Variants in PCDH15 observed in about 807,000 individuals in gnomAD.
PCDH15 encodes the protein protocadherin related 15, also known as protocadherin-15.
In PCDH15, 129 loss-of-function variants were observed where a neutral mutation model predicts 178.5. The ratio of observed to expected loss-of-function variants is 0.72; its 90% confidence interval spans 0.63 to 0.84. The LOEUF (loss-of-function observed/expected upper bound fraction) is 0.84, where lower values mean the gene tolerates loss of function less well. Ranked by LOEUF, PCDH15 falls within the 40% of genes least tolerant of loss-of-function variation. The pLI is 0.00. For missense variants in PCDH15, 2,230 were observed against 2,099.9 expected (o/e 1.06, Z -1.21); for synonymous variants, 800 against 732.0 (o/e 1.09, Z -1.50).
chr10:53,842,587 G>A (rs1360234632), intron 28 of PCDH15, among the ~76,000 whole-genome samples: 2 of 152,136 alleles, frequency 1.3e-5, no homozygotes, highest in South Asian at 2.1e-4. Flanking sequence ...TGTACCACAT[G>A]GGGCTGAATG....
chr10:54,402,696 T>C (rs1273463250), intron 3 of PCDH15, among the ~76,000 whole-genome samples: 1 of 152,032 alleles, frequency 6.6e-6, no homozygotes, highest in East Asian at 1.9e-4. Flanking sequence ...TATTAATTAC[T>C]ATTATAATTA....
chr10:54,727,900 T>C (rs557465273), intron 1 of PCDH15, among the ~76,000 whole-genome samples: 1 of 151,460 alleles, frequency 6.6e-6, no homozygotes, highest in Non-Finnish European at 1.5e-5. Context: ...ATTGCAACCC[T>C]GAATACAGCA....
intron 7 of PCDH15, among the ~76,000 whole-genome samples, chr10:54,324,625 G>GCC (rs1564967464): frequency 6.6e-6 from 1 of 151,922 alleles, no homozygotes; most frequent in African/African-American, 2.4e-5. Context: ...AAATTAGCTG[G>GCC]GAGTGGTGGC....
chr10:55,449,903 A>G (rs1483024867), intron 2 of PCDH15, among the ~76,000 whole-genome samples: 3 of 137,040 alleles, frequency 2.2e-5, no homozygotes, highest in Non-Finnish European at 4.8e-5. Context: ...CACCCTCAAA[A>G]TACATTAATG....
At chr10:54,694,109 A>G (rs534783587) in intron 1 of PCDH15, among the ~76,000 whole-genome samples, 40 of 152,264 alleles carry the variant, frequency 2.6e-4, no homozygotes, top group African/African-American at 9.4e-4. Flanking sequence ...ATCATTTAGT[A>G]TATTAAAAAT....
chr10:54,266,638 A>T (rs905511355), intron 8 of PCDH15, among the ~76,000 whole-genome samples: 4 of 151,872 alleles, frequency 2.6e-5, no homozygotes. Context: ...AGTCCCATAG[A>T]GATTCAAAAG....
rs903521195 is a variant in PCDH15, at chr10:54,832,965, G to A, written c.-29+64485C>T. ...CTTTTTTGCAAGGAGAAACTACCAG[G>A]TTTGTACAGTTAATAAGTGGCAGTT... On this transcript the variant is annotated intron_variant, in intron 3 of 5. Coordinates refer to the PCDH15 transcript ENST00000458638. 1.1e-4 allele frequency among the ~76,000 whole-genome samples: 16 copies of A among 152,048 alleles called. 1 individual carries two copies. The highest frequency in any genetic ancestry group is 1.5e-5 in the Non-Finnish European group (1 of 68,000).
intron 25 of PCDH15, among the ~76,000 whole-genome samples, chr10:53,915,370 G>C (rs1021277084): frequency 6.6e-6 from 1 of 152,200 alleles, no homozygotes; most frequent in East Asian, 1.9e-4. Flanking sequence ...TGGCTAGGCA[G>C]AAAGATAGAT....
intron 2 of PCDH15, among the ~76,000 whole-genome samples, chr10:55,602,514 G>C (rs1389070873): frequency 1.3e-5 from 2 of 152,070 alleles, no homozygotes; most frequent in Non-Finnish European, 2.9e-5. Flanking sequence ...GAGAGCAGTG[G>C]TTCTCCCAGC....
At chr10:54,890,386 G>A (rs1377983883) in intron 3 of PCDH15, among the ~76,000 whole-genome samples, 1 of 151,916 alleles carries the variant, frequency 6.6e-6, no homozygotes, top group Non-Finnish European at 1.5e-5. Flanking sequence ...ATTTTGGCAA[G>A]CAAAAACAAA....
At chr10:54,351,193 A>G (rs1387758208) in intron 5 of PCDH15, among the ~76,000 whole-genome samples, 1 of 152,168 alleles carries the variant, frequency 6.6e-6, no homozygotes, top group East Asian at 1.9e-4. Flanking sequence ...AACTGTGAAC[A>G]AAGAGACCTA....
chr10:53,834,649 T>A (rs1333823623), intron 29 of PCDH15, among the ~76,000 whole-genome samples: 1 of 152,160 alleles, frequency 6.6e-6, no homozygotes, highest in Non-Finnish European at 1.5e-5. Flanking sequence ...ATTACTGCTA[T>A]GTTATCCTGA....
intron 5 of PCDH15, among the ~76,000 whole-genome samples, chr10:54,362,402 C>T (rs992497450): frequency 5.9e-5 from 9 of 151,930 alleles, no homozygotes; most frequent in Admixed American, 1.3e-4. Flanking sequence ...GTAAGCAGGA[C>T]ATAATTTTCT....
Position 53,827,627 on chromosome 10 carries a change from G to A in PCDH15, c.4212-79C>T, listed in dbSNP as rs950431043. The A allele has an allele frequency of 9.1e-6, 14 of 1,538,854 alleles. No homozygotes were observed. In the Admixed American group the frequency reaches 1.5e-4, roughly 17 times the overall value. The stretch of plus-strand genomic sequence containing the variant: ...ATCAATAAGCCACCTTTTAATAATG[G>A]GGTCCAGTTATCAGGGGAACCCACT... On this transcript the variant is annotated intron_variant, in intron 31 of 37. Coordinates refer to ENST00000644397, the MANE Select transcript of PCDH15 (RefSeq NM_001384140.1).
At chr10:54,162,402 G>T (rs1367174763) in intron 13 of PCDH15, among the ~76,000 whole-genome samples, 1 of 152,144 alleles carries the variant, frequency 6.6e-6, no homozygotes, top group Non-Finnish European at 1.5e-5. Context: ...TGGAAGAAAA[G>T]CAGAATGTAA....
At chr10:55,139,231 G>C (rs891177823) in intron 2 of PCDH15, among the ~76,000 whole-genome samples, 1 of 151,946 alleles carries the variant, frequency 6.6e-6, no homozygotes, top group Non-Finnish European at 1.5e-5. Context: ...GTGTGAGATA[G>C]GTGATTGATT....
At chr10:55,078,041 G>A (rs1665262833) in intron 2 of PCDH15, among the ~76,000 whole-genome samples, 1 of 152,094 alleles carries the variant, frequency 6.6e-6, no homozygotes. Flanking sequence ...TTTGCTTTCA[G>A]GGAAAGGCTT....
intron 3 of PCDH15, among the ~76,000 whole-genome samples, chr10:54,827,846 G>A (rs1953156495): frequency 6.6e-6 from 1 of 151,814 alleles, no homozygotes. Context: ...TTTGGAATGG[G>A]GATTTAAAAA....
chr10:54,611,046 A>G (rs1215638906), intron 2 of PCDH15, among the ~76,000 whole-genome samples: 1 of 151,916 alleles, frequency 6.6e-6, no homozygotes, highest in African/African-American at 2.4e-5. Context: ...TGTCTTAAAT[A>G]CCACAAATGA....
Sources: allele counts gnomAD v4.1 joint callset (sites outside exome capture counted in the v4.1 genomes callset), GRCh38; gene constraint gnomAD v4.1.1; transcripts MANE v1.5; gene names NCBI Gene and HGNC (gene_info 2026-07-23, HGNC 2026-07-21).